Variants in GIMAP2 observed in about 807,000 individuals in gnomAD.
The protein encoded by GIMAP2 is GTPase IMAP family member 2.
In GIMAP2, 22 loss-of-function variants were observed where a neutral mutation model predicts 25.5. The observed-to-expected ratio is 0.86, with a 90% CI of 0.62 to 1.23. The LOEUF (loss-of-function observed/expected upper bound fraction) is 1.23. GIMAP2 is among the 50% of genes most tolerant of loss of function. GIMAP2 has a pLI of 0.00. For missense variants in GIMAP2, 422 were observed against 395.7 expected (o/e 1.07, Z -0.56); for synonymous variants, 167 against 143.0 (o/e 1.17, Z -1.20).
chr7:150,692,916 T>C lies in GIMAP2; in HGVS notation c.630T>C (p.Asn210=), dbSNP rs1461810301. ...DCIEDLLMEK[N]GDHYTNGLYS... ...TTGAGGATCTGTTGATGGAGAAAAA[T>C]GGTGATCACTATACCAATGGGTTGT... The change falls in exon 3 of 3, where the codon AAT becomes AAC. Residue 210 remains asparagine (N), a synonymous_variant. Transcript: ENST00000223293. 1.2e-6 allele frequency: 2 copies of C among 1,613,982 alleles called. No homozygotes were observed. The highest frequency in any genetic ancestry group is 1.7e-6 in the Non-Finnish European group (2 of 1,180,010).
chr7:150,692,025 C>T (rs1796970317), intron 2 of GIMAP2, among the ~76,000 whole-genome samples: 1 of 150,380 alleles, frequency 6.6e-6, no homozygotes, highest in Non-Finnish European at 1.5e-5. Context: ...GTCAGGAGAT[C>T]GATACCACGG....
chr7:150,692,273 G>C (rs185773614), intron 2 of GIMAP2, 42 bp from the exon 3 acceptor site: 1 of 1,559,992 alleles, frequency 6.4e-7, no homozygotes, highest in Admixed American at 1.9e-5. Context: ...TTCCACTGCC[G>C]TGATCAGTGT....
At chr7:150,687,429 C>A (rs62490382) in intron 2 of GIMAP2, 2 of 215,048 alleles carry the variant, frequency 9.3e-6, no homozygotes, top group African/African-American at 4.7e-5. Flanking sequence ...CACACCACCA[C>A]GCCCAGCTAA....
rs1796993346 is a variant in GIMAP2 at position 150,693,516 on chromosome 7, C to A, written c.*216C>A. On this transcript the variant is annotated 3_prime_UTR_variant, in exon 3 of 3. Coordinates refer to ENST00000223293, the MANE Select transcript of GIMAP2 (RefSeq NM_015660.3). ...TTTTGAAATCTGTAAACATAAAATT[C>A]CTCTCATTTTCAAATATCTAAAGCC... 1 of 429,396 alleles carries A rather than the reference C, an allele frequency of 2.3e-6. No homozygotes were observed. Among genetic ancestry groups the A allele is most frequent in the African/African-American group, 2.1e-5 (1 of 48,600 alleles). The allele number at this position is 429,396 out of a possible 1,614,324, so 26.6% of individuals were successfully genotyped here. A position where few individuals can be genotyped will look rare whatever the true frequency, so the allele number is the denominator to read the frequency against.
At position 150,692,510 on chromosome 7, in the gene GIMAP2, T is replaced by C. The variant is rs1443716554; in HGVS notation, c.224T>C (p.Ile75Thr). 3.4e-5 allele frequency: 55 copies of C among 1,613,944 alleles called. No individual in the cohort carries two copies. Among genetic ancestry groups the C allele is most frequent in the Non-Finnish European group, 4.7e-5 (55 of 1,179,920 alleles). Residue 75 changes from isoleucine (I) to threonine (T), a missense_variant, in exon 3 of 3, where the codon ATT becomes ACT. By Grantham distance (89) the Ile-to-Thr change is moderately conservative (BLOSUM62 -1). Coordinates refer to ENST00000223293, the MANE Select transcript of GIMAP2 (RefSeq NM_015660.3). The part of the protein sequence containing the change: ...QGSWGNREIV[I>T]IDTPDMFSWK... ...AGCTGGGGAAATAGAGAGATTGTCA[T>C]TATTGACACACCAGATATGTTTTCT...
rs1796915336 is a variant in GIMAP2, at chr7:150,687,288, T to C, written c.28+201T>C. The C allele has an allele frequency of 2.5e-5, 14 of 555,222 alleles. No homozygotes were observed. The East Asian group carries it at 4.2e-4, about 16-fold the overall frequency. 34.4% of individuals were successfully genotyped at this position (555,222 alleles called of 1,614,324 possible). A position where few individuals can be genotyped will look rare whatever the true frequency, so the allele number is the denominator to read the frequency against. ...TTTGTTTGTTTGTTTGTTTGTTTGT[T>C]TTGAGACAGTGTCTCTCTCTGTCAC... On this transcript the variant is annotated intron_variant, in intron 2 of 2. Transcript: ENST00000223293.
In GIMAP2 at chr7:150,685,993, T is replaced by C. The variant is rs531692161; in HGVS notation, c.-9+208T>C. Among the ~76,000 whole-genome samples, 7 of 152,284 alleles carry C rather than the reference T, an allele frequency of 4.6e-5. No homozygotes were observed. In the South Asian group the frequency reaches 1.5e-3, roughly 32 times the overall value. On this transcript the variant is annotated intron_variant, in intron 1 of 2. Coordinates refer to ENST00000223293, the MANE Select transcript of GIMAP2 (RefSeq NM_015660.3). Reference sequence around the variant, plus strand: ...TGGCAAAGAAAGAATTTCCATAGTATAAAGTCAATAAAAAGTGCTAACTGG... The same window carrying C: ...TGGCAAAGAAAGAATTTCCATAGTACAAAGTCAATAAAAAGTGCTAACTGG...
chr7:150,691,947 C>T (rs771768536), intron 2 of GIMAP2, among the ~76,000 whole-genome samples: 6 of 152,008 alleles, frequency 3.9e-5, no homozygotes, highest in African/African-American at 1.2e-4. Flanking sequence ...ATTCCACTAC[C>T]GGCTGGGCCC....
intron 2 of GIMAP2, among the ~76,000 whole-genome samples, chr7:150,688,361 C>T (rs1796927038): frequency 1.3e-5 from 2 of 152,106 alleles, no homozygotes; most frequent in Admixed American, 6.5e-5. Flanking sequence ...AAATTCCTGA[C>T]CTCAAGTGAT....
In GIMAP2 at chr7:150,693,300, G is replaced by C; in HGVS notation, c.1014G>C (p.Ter338TyrextTer15). 1 of 1,534,138 alleles carries C rather than the reference G, an allele frequency of 6.5e-7. No individual in the cohort carries two copies. The highest frequency in any genetic ancestry group is 1.2e-5 in the South Asian group (1 of 80,730). Residue 338 changes from the stop codon to tyrosine, a stop_lost, in exon 3 of 3, where the codon TAG becomes TAC. Coordinates refer to ENST00000223293, the MANE Select transcript of GIMAP2 (RefSeq NM_015660.3). The part of the protein sequence containing the change: ...IRLERKTPRL[*>Y] ...TAGAACGCAAGACTCCTAGGTTATAGTTACAGATCCCAGTTATTATTTACT... is the reference window on the plus strand; with the variant it reads ...TAGAACGCAAGACTCCTAGGTTATACTTACAGATCCCAGTTATTATTTACT...
chr7:150,688,486 C>T (rs1796928293), intron 2 of GIMAP2, among the ~76,000 whole-genome samples: 1 of 152,162 alleles, frequency 6.6e-6, no homozygotes. Context: ...TTAATAGAGA[C>T]TAGAAGAATA....
chr7:150,689,536 C>G (rs1669641689), intron 2 of GIMAP2: 1 of 703,092 alleles, frequency 1.4e-6, no homozygotes, highest in Non-Finnish European at 2.6e-6. Context: ...AAGCAAGCTC[C>G]AGCGCGGTGT....
chr7:150,688,824 C>G (rs1437520719), intron 2 of GIMAP2, among the ~76,000 whole-genome samples: 1 of 152,234 alleles, frequency 6.6e-6, no homozygotes, highest in Non-Finnish European at 1.5e-5. Flanking sequence ...TGCGAGAACA[C>G]TGTGGAGTCG....
Position 150,685,752 on chromosome 7 carries a change from A to G in GIMAP2, c.-42A>G. ...GAGCTATAAGACAACAGGACTGAAC[A>G]GGGAGCCAACTGTTTCTTTGAACAG... On this transcript the variant is annotated 5_prime_UTR_variant, in exon 1 of 3. Coordinates refer to ENST00000223293, the MANE Select transcript of GIMAP2 (RefSeq NM_015660.3). 3 of 984,756 alleles carry G rather than the reference A, an allele frequency of 3.0e-6. No homozygotes were observed. The highest frequency in any genetic ancestry group is 3.6e-6 in the Non-Finnish European group (3 of 829,310). 61.0% of individuals were successfully genotyped at this position (984,756 alleles called of 1,614,324 possible).
chr7:150,692,929 A>G lies in GIMAP2; in HGVS notation c.643A>G (p.Thr215Ala). 1.2e-6 allele frequency: 2 copies of G among 1,614,222 alleles called. No individual in the cohort carries two copies. Among genetic ancestry groups the G allele is most frequent in the Non-Finnish European group, 1.7e-6 (2 of 1,180,020 alleles). ...LLMEKNGDHYTNGLYSLIQRS... is the reference protein window; with the variant it reads ...LLMEKNGDHYANGLYSLIQRS... ...GATGGAGAAAAATGGTGATCACTAT[A>G]CCAATGGGTTGTACAGCCTAATACA... The change falls in exon 3 of 3, where the codon ACC (threonine) becomes GCC (alanine). Residue 215 changes from threonine (T) to alanine (A), a missense_variant. Transcript: ENST00000223293.
intron 2 of GIMAP2, among the ~76,000 whole-genome samples, chr7:150,687,779 T>C (rs1796920601): frequency 6.6e-6 from 1 of 151,834 alleles, no homozygotes; most frequent in Admixed American, 6.6e-5. Context: ...TTCCCTTCTC[T>C]TCCCTTGTCC....
At position 150,685,706 on chromosome 7, in the gene GIMAP2, C is replaced by T. The variant is rs1470526420; in HGVS notation, c.-88C>T. ...AAGACCGACTGGAGTCTCGGTTTTA[C>T]TTTCTTTTTCTCTTGGAGCTGAGCT... On this transcript the variant is annotated 5_prime_UTR_variant, in exon 1 of 3. Coordinates refer to ENST00000223293, the MANE Select transcript of GIMAP2 (RefSeq NM_015660.3). The T allele has an allele frequency of 1.0e-6, 1 of 984,286 alleles. No individual in the cohort carries two copies. The highest frequency in any genetic ancestry group is 1.2e-6 in the Non-Finnish European group (1 of 828,918). 61.0% of individuals were successfully genotyped at this position (984,286 alleles called of 1,614,324 possible). A position where few individuals can be genotyped will look rare whatever the true frequency, so the allele number is the denominator to read the frequency against.
At position 150,692,546 on chromosome 7, in the gene GIMAP2, A is replaced by G. The variant is rs760030527; in HGVS notation, c.260A>G (p.His87Arg). The change falls in exon 3 of 3, where the codon CAC (histidine) becomes CGC (arginine). Residue 87 changes from histidine (H) to arginine (R), a missense_variant. By Grantham distance (29) the His-to-Arg change is conservative. Coordinates refer to ENST00000223293, the MANE Select transcript of GIMAP2 (RefSeq NM_015660.3). ...CCAGATATGTTTTCTTGGAAGGACC[A>G]CTGTGAAGCTCTGTACAAAGAGGTG... ...DTPDMFSWKDHCEALYKEVQR... is the reference protein window; with the variant it reads ...DTPDMFSWKDRCEALYKEVQR... The G allele has an allele frequency of 6.8e-6, 11 of 1,614,166 alleles. No individual in the cohort carries two copies. Among genetic ancestry groups the G allele is most frequent in the Non-Finnish European group, 8.5e-6 (10 of 1,180,016 alleles).
rs2116508127 is a variant in GIMAP2 at position 150,692,555 on chromosome 7, C to G, written c.269C>G (p.Ala90Gly). 1 of 1,614,146 alleles carries G rather than the reference C, an allele frequency of 6.2e-7. No homozygotes were observed. The highest frequency in any genetic ancestry group is 1.1e-5 in the South Asian group (1 of 91,082). The change falls in exon 3 of 3, where the codon GCT becomes GGT. Residue 90 changes from alanine to glycine, a missense_variant. By Grantham distance (60) the Ala-to-Gly change is moderately conservative. Transcript: ENST00000223293. ...TTTTCTTGGAAGGACCACTGTGAAGCTCTGTACAAAGAGGTGCAGAGGTGC... is the reference window on the plus strand; with the variant it reads ...TTTTCTTGGAAGGACCACTGTGAAGGTCTGTACAAAGAGGTGCAGAGGTGC... ...DMFSWKDHCE[A>G]LYKEVQRCYL...
Sources: allele counts gnomAD v4.1 joint callset (sites outside exome capture counted in the v4.1 genomes callset), GRCh38; gene constraint gnomAD v4.1.1; transcripts MANE v1.5; gene names NCBI Gene and HGNC (gene_info 2026-07-23, HGNC 2026-07-21).